Variants in PDE4D observed in about 807,000 individuals in gnomAD.
PDE4D encodes the protein 3',5'-cyclic-AMP phosphodiesterase 4D.
Under a neutral mutation model 87.4 loss-of-function variants are expected in PDE4D, and 24 were observed. The ratio of observed to expected loss-of-function variants is 0.27; its 90% CI spans 0.20 to 0.39. The LOEUF is 0.39. Among genes scored for constraint, PDE4D ranks in the 10% least tolerant of loss-of-function variants. The pLI is 1.00. For missense variants in PDE4D, 714 were observed against 1,041.0 expected (o/e 0.69, Z 4.32); for synonymous variants, 384 against 383.2 (o/e 1.00, Z -0.02).
chr5:60,258,471 T>G (rs1310696447), intron 1 of PDE4D, among the ~76,000 whole-genome samples: 2 of 152,160 alleles, frequency 1.3e-5, no homozygotes, highest in African/African-American at 4.8e-5. Context: ...AAAAATGTTC[T>G]TTGCTGGTGA....
intron 1 of PDE4D, among the ~76,000 whole-genome samples, chr5:59,383,895 G>C (rs1436633573): frequency 6.6e-6 from 1 of 151,222 alleles, no homozygotes; most frequent in Non-Finnish European, 1.5e-5. Flanking sequence ...TTTTGTTTTT[G>C]TATTTGTTTT....
intron 1 of PDE4D, among the ~76,000 whole-genome samples, chr5:59,655,048 T>C (rs1331047685): frequency 6.6e-6 from 1 of 152,170 alleles, no homozygotes; most frequent in African/African-American, 2.4e-5. Context: ...CTTTTGGGTA[T>C]ATACCTAGAA....
intron 5 of PDE4D, among the ~76,000 whole-genome samples, chr5:59,110,410 C>T (rs1772407662): frequency 6.6e-6 from 1 of 152,240 alleles, no homozygotes; most frequent in Non-Finnish European, 1.5e-5. Flanking sequence ...CAACTACACA[C>T]CATTTTAAAT....
At chr5:60,453,027 AATC>A (rs1443955022) in intron 1 of PDE4D, among the ~76,000 whole-genome samples, 1 of 152,116 alleles carries the variant, frequency 6.6e-6, no homozygotes, top group African/African-American at 2.4e-5. Flanking sequence ...TAGGATTAAA[AATC>A]ATATTTTTAT....
chr5:60,457,253 T>C (rs894895578), intron 1 of PDE4D, among the ~76,000 whole-genome samples: 3 of 152,184 alleles, frequency 2.0e-5, no homozygotes, highest in Admixed American at 6.5e-5. Context: ...AACACAAGGA[T>C]ACAAATCAGT....
At chr5:59,806,993 A>C (rs1378352285) in intron 1 of PDE4D, among the ~76,000 whole-genome samples, 1 of 152,182 alleles carries the variant, frequency 6.6e-6, no homozygotes, top group Non-Finnish European at 1.5e-5. Context: ...TGGAAGTGGA[A>C]GGGACATCAT....
intron 1 of PDE4D, among the ~76,000 whole-genome samples, chr5:60,444,811 C>T (rs1745512538): frequency 6.6e-6 from 1 of 151,390 alleles, no homozygotes; most frequent in African/African-American, 2.4e-5. Flanking sequence ...TACTGACAAG[C>T]CGTTCTGGGG....
intron 5 of PDE4D, among the ~76,000 whole-genome samples, chr5:59,066,642 C>T (rs993506813): frequency 2.0e-5 from 3 of 152,052 alleles, no homozygotes; most frequent in Non-Finnish European, 4.4e-5. Flanking sequence ...ATTCTTCATT[C>T]TGTGGCAAAA....
chr5:59,744,846 A>AT (rs1172694941), intron 1 of PDE4D, among the ~76,000 whole-genome samples: 1 of 152,084 alleles, frequency 6.6e-6, no homozygotes, highest in Non-Finnish European at 1.5e-5. Context: ...ACAGTGTTGT[A>AT]TTTTTTTCCT....
chr5:59,420,988 C>G (rs865846850), intron 1 of PDE4D, among the ~76,000 whole-genome samples: 1 of 152,034 alleles, frequency 6.6e-6, no homozygotes, highest in South Asian at 2.1e-4. Flanking sequence ...CCTCCGTACG[C>G]GTATGTGTTT....
intron 1 of PDE4D, among the ~76,000 whole-genome samples, chr5:59,370,259 T>C (rs1440918875): frequency 1.3e-5 from 2 of 152,188 alleles, no homozygotes; most frequent in Non-Finnish European, 2.9e-5. Flanking sequence ...CAAAACCCTT[T>C]ACTAGTTTCC....
rs796311244 is a variant in PDE4D at position 60,156,071 on chromosome 5, G to A, written c.42+29486C>T. Among the ~76,000 whole-genome samples, 6 of 152,240 alleles carry A rather than the reference G, an allele frequency of 3.9e-5. 1 individual carries two copies. The highest frequency in any genetic ancestry group is 1.4e-4 in the African/African-American group (6 of 41,548). On this transcript the variant is annotated intron_variant, in intron 2 of 16. Transcript: ENST00000502484. ...GTGTCTAACAATCCAAGAATCAAGG[G>A]TACAGTCCTCAGAGTTACTAGGGTA...
chr5:60,473,043 AGAAG>A (rs776164991), intron 1 of PDE4D, among the ~76,000 whole-genome samples: 26 of 151,046 alleles, frequency 1.7e-4, no homozygotes, highest in East Asian at 1.2e-3. Flanking sequence ...ACAGACAGAC[AGAAG>A]GAAGGAAGGA....
chr5:60,161,416 G>A (rs1782465616), intron 2 of PDE4D, among the ~76,000 whole-genome samples: 1 of 152,034 alleles, frequency 6.6e-6, no homozygotes, highest in Non-Finnish European at 1.5e-5. Context: ...TGAGAGTTTA[G>A]ACTATATAAA....
chr5:59,008,755 G>GA (rs1201577997), intron 6 of PDE4D, among the ~76,000 whole-genome samples: 2 of 151,894 alleles, frequency 1.3e-5, no homozygotes, highest in African/African-American at 2.4e-5. Flanking sequence ...ATTTCTCTTT[G>GA]AAAAAAACTG....
chr5:59,453,785 C>T (rs1799505715), intron 1 of PDE4D, among the ~76,000 whole-genome samples: 1 of 152,180 alleles, frequency 6.6e-6, no homozygotes, highest in Non-Finnish European at 1.5e-5. Flanking sequence ...GTGCTGATAT[C>T]AAAGCTATAG....
intron 2 of PDE4D, among the ~76,000 whole-genome samples, chr5:60,105,976 CATA>C (rs1037369545): frequency 2.0e-5 from 3 of 152,176 alleles, no homozygotes; most frequent in African/African-American, 7.2e-5. Flanking sequence ...CAGCTGACAT[CATA>C]ATGACAGGAT....
At chr5:59,046,539 ATGTGTG>A (rs35264771) in intron 5 of PDE4D, among the ~76,000 whole-genome samples, 6 of 143,758 alleles carry the variant, frequency 4.2e-5, no homozygotes, top group Admixed American at 2.8e-4. Flanking sequence ...GTTATTGAAG[ATGTGTG>A]TGTGTGTGTG....
intron 1 of PDE4D, among the ~76,000 whole-genome samples, chr5:60,242,327 A>C (rs965654333): frequency 1.3e-5 from 2 of 152,132 alleles, no homozygotes; most frequent in African/African-American, 4.8e-5. Context: ...AGATATAAAA[A>C]GCAAATATTA....
Sources: gnomAD v4.1 joint callset for allele counts (sites outside exome capture counted in the v4.1 genomes callset) on GRCh38, gnomAD v4.1.1 for gene constraint, MANE v1.5 for transcripts, NCBI Gene and HGNC (gene_info 2026-07-23, HGNC 2026-07-21) for gene names.